The following ARPC1B variants were observed in gnomAD, a reference collection of about 807,000 sequenced individuals.
ARPC1B encodes the protein actin-related protein 2/3 complex subunit 1B.
In ARPC1B, 29 loss-of-function variants were observed where a neutral mutation model predicts 46.0. That is an observed-to-expected ratio of 0.63 (90% CI 0.47 to 0.86). The LOEUF (loss-of-function observed/expected upper bound fraction) is 0.86, where lower values mean the gene tolerates loss of function less well. Among genes scored for constraint, ARPC1B ranks in the 40% least tolerant of loss-of-function variants. The pLI is 0.00. For synonymous variants in ARPC1B, 201 were observed against 213.9 expected (o/e 0.94, Z 0.53); for missense variants, 469 against 529.4 (o/e 0.89, Z 1.12).
At chr7:99,381,831 G>A (rs1794234335) in intron 1 of ARPC1B, among the ~76,000 whole-genome samples, 1 of 152,224 alleles carries the variant, frequency 6.6e-6, no homozygotes, top group African/African-American at 2.4e-5. Context: ...TTGTGCCTGG[G>A]CCCAGATGCA....
chr7:99,387,978 C>A, intron 3 of ARPC1B, 61 bp from the exon 4 acceptor site: 1 of 1,153,446 alleles, frequency 8.7e-7, no homozygotes, highest in Non-Finnish European at 1.3e-6. Context: ...CATGTGGCCA[C>A]CATACAGCCA....
chr7:99,385,897 T>C, intron 2 of ARPC1B, 119 bp downstream of exon 2: 1 of 1,076,880 alleles, frequency 9.3e-7, no homozygotes, highest in Non-Finnish European at 1.3e-6. Flanking sequence ...TCCATGTGGC[T>C]GTCCCCTGGC....
Position 99,388,061 on chromosome 7 carries a change from TA to T in ARPC1B, c.194del (p.Asn65ThrfsTer4). On this transcript the variant is annotated frameshift_variant, in exon 4 of 10. Transcript: ENST00000646101. LOFTEE classifies it high-confidence loss of function. ...VTGIDWAPESNRIVTCGTDRN... is the reference protein window; with the variant it reads ...VTGIDWAPESXRIVTCGTDRN... ...CAGGCATCGACTGGGCCCCCGAGAG[TA>T]ACCGTATTGTGACCTGCGGCACAGA... The T allele has an allele frequency of 6.2e-7, 1 of 1,602,642 alleles. No individual in the cohort carries two copies. Among genetic ancestry groups the T allele is most frequent in the Non-Finnish European group, 8.5e-7 (1 of 1,171,542 alleles).
upstream of ARPC1B, chr7:99,374,610 G>C (rs1584394025): frequency 6.6e-6 from 1 of 152,122 alleles, no homozygotes; most frequent in Non-Finnish European, 1.5e-5. This position sits in a 1 kb window ranked among gnomAD's most constrained non-coding sequence, Gnocchi z 5.0. Flanking sequence ...CGAAGGGAGG[G>C]CGGGACCTGG....
intron 1 of ARPC1B, among the ~76,000 whole-genome samples, chr7:99,377,004 T>C (rs1387205306): frequency 6.6e-6 from 1 of 152,164 alleles, no homozygotes; most frequent in Non-Finnish European, 1.5e-5. Context: ...ACATAATCCA[T>C]TGATAGGTCT....
intron 7 of ARPC1B, among the ~76,000 whole-genome samples, chr7:99,391,817 CAAG>C (rs1170464643): frequency 6.6e-6 from 1 of 151,126 alleles, no homozygotes; most frequent in Non-Finnish European, 1.5e-5. Context: ...TTTGGGAGGC[CAAG>C]GAGGGCAGAT....
intron 1 of ARPC1B, among the ~76,000 whole-genome samples, chr7:99,376,228 T>C (rs1794028111): frequency 2.0e-5 from 3 of 152,118 alleles, no homozygotes; most frequent in Non-Finnish European, 4.4e-5. Flanking sequence ...AAATAAAATC[T>C]TAGGGACCTA....
chr7:99,382,157 G>T (rs1716547803), intron 1 of ARPC1B, among the ~76,000 whole-genome samples: 1 of 152,180 alleles, frequency 6.6e-6, no homozygotes, highest in African/African-American at 2.4e-5. Flanking sequence ...AGAGCACCTG[G>T]CCAGGCGCGG....
At chr7:99,382,402 GAAAAAAA>G (rs112909636) in intron 1 of ARPC1B, among the ~76,000 whole-genome samples, 1 of 93,364 alleles carries the variant, frequency 1.1e-5, no homozygotes, top group Non-Finnish European at 2.2e-5. Context: ...ACTTCATCTC[GAAAAAAA>G]AAAAAAAAAA....
chr7:99,393,366 G>A (rs1794642808), intron 8 of ARPC1B, among the ~76,000 whole-genome samples: 3 of 152,126 alleles, frequency 2.0e-5, no homozygotes, highest in South Asian at 2.1e-4. Context: ...CTGCATTTCC[G>A]GGACTTAGGT....
At chr7:99,393,457 G>C (rs1405579664) in intron 8 of ARPC1B, among the ~76,000 whole-genome samples, 1 of 152,136 alleles carries the variant, frequency 6.6e-6, no homozygotes, top group Non-Finnish European at 1.5e-5. Flanking sequence ...CGGGGTCACA[G>C]CTGGGGCGGG....
chr7:99,377,736 G>A (rs1794071603), intron 1 of ARPC1B, among the ~76,000 whole-genome samples: 1 of 151,656 alleles, frequency 6.6e-6, no homozygotes, highest in South Asian at 2.1e-4. Context: ...TCGAGTTCAA[G>A]TGATTCTCTT....
chr7:99,394,707 A>AG lies in ARPC1B; in HGVS notation c.*218_*219insG. ...AATGCTTTCATTTATTGAAAAAAAA[A>AG]AAAAATGCCCCCAAAGCACTATGCT... On this transcript the variant is annotated 3_prime_UTR_variant, in exon 10 of 10. Coordinates refer to ENST00000646101, the MANE Select transcript of ARPC1B (RefSeq NM_005720.4). 1 of 1,341,510 alleles carries AG rather than the reference A, an allele frequency of 7.5e-7. No homozygotes were observed. Among genetic ancestry groups the AG allele is most frequent in the South Asian group, 2.1e-5 (1 of 46,754 alleles). 83.1% of individuals were successfully genotyped at this position (1,341,510 alleles called of 1,614,324 possible). A position where few individuals can be genotyped will look rare whatever the true frequency, so the allele number is the denominator to read the frequency against.
At chr7:99,376,848 G>T (rs1209035663) in intron 1 of ARPC1B, among the ~76,000 whole-genome samples, 6 of 147,602 alleles carry the variant, frequency 4.1e-5, no homozygotes, top group African/African-American at 1.5e-4. Flanking sequence ...CCAGCCTGGG[G>T]TTACAAAGCG....
rs73710455 is a variant in ARPC1B, at chr7:99,389,842, C to T, written c.393-63C>T. ...CAGTGGGAGCCTGGAGTCCCTGGTG[C>T]TGAGGTCCATGAGTCCCACCTGCCT... On this transcript the variant is annotated intron_variant, in intron 4 of 9. Coordinates refer to ENST00000646101, the MANE Select transcript of ARPC1B (RefSeq NM_005720.4). 6,384 of 1,388,836 alleles carry T rather than the reference C, an allele frequency of 4.6e-3. 170 individuals are homozygous for T. In the African/African-American group the frequency reaches 0.067, roughly 15 times the overall value. 86.0% of individuals were successfully genotyped at this position (1,388,836 alleles called of 1,614,324 possible).
chr7:99,386,520 TG>T, intron 2 of ARPC1B, 164 bp from the exon 3 acceptor site: 1 of 727,628 alleles, frequency 1.4e-6, no homozygotes, highest in Non-Finnish European at 2.5e-6. Context: ...GAAGACAGGG[TG>T]GCCTAGCAGG....
intron 7 of ARPC1B, 90 bp from the exon 8 acceptor site, chr7:99,392,581 G>C (rs1169323581): frequency 1.7e-6 from 2 of 1,201,304 alleles, no homozygotes; most frequent in African/African-American, 1.6e-5. Flanking sequence ...GCTGGCATCT[G>C]CCTCCCGGGC....
Position 99,394,685 on chromosome 7 carries a change from G to C in ARPC1B, c.*196G>C. The C allele has an allele frequency of 1.6e-6, 2 of 1,268,026 alleles. No individual in the cohort carries two copies. The highest frequency in any genetic ancestry group is 3.1e-5 in the East Asian group (1 of 31,958). 78.5% of individuals were successfully genotyped at this position (1,268,026 alleles called of 1,614,324 possible). ...AGGAATACGTGCCTTTTTCTTAAAT[G>C]CTTTCATTTATTGAAAAAAAAAAAA... On this transcript the variant is annotated 3_prime_UTR_variant, in exon 10 of 10. Coordinates refer to ENST00000646101, the MANE Select transcript of ARPC1B (RefSeq NM_005720.4).
Position 99,394,770 on chromosome 7 carries a change from G to GCAA in ARPC1B, c.*283_*285dup. 1.7e-6 allele frequency: 2 copies of GCAA among 1,157,834 alleles called. No individual in the cohort carries two copies. Among genetic ancestry groups the GCAA allele is most frequent in the African/African-American group, 4.0e-5 (2 of 49,808 alleles). The allele number at this position is 1,157,834 out of a possible 1,614,324, so 71.7% of individuals were successfully genotyped here. A position where few individuals can be genotyped will look rare whatever the true frequency, so the allele number is the denominator to read the frequency against. Reference sequence around the variant, plus strand: ...CTTCAAAATGTGGAGGTAATAAAATGCAACTGTGTAAAAAAAAAAAAAAAA... The same window carrying GCAA: ...CTTCAAAATGTGGAGGTAATAAAATGCAACAACTGTGTAAAAAAAAAAAAAAAA... On this transcript the variant is annotated 3_prime_UTR_variant, in exon 10 of 10. Transcript: ENST00000646101.
Sources: gnomAD v4.1 joint callset for allele counts (sites outside exome capture counted in the v4.1 genomes callset) on GRCh38, gnomAD v4.1.1 for gene constraint, Gnocchi (gnomAD v3.1) non-coding constraint, MANE v1.5 for transcripts, NCBI Gene and HGNC (gene_info 2026-07-23, HGNC 2026-07-21) for gene names.